Variants in IMMT observed in about 807,000 individuals in gnomAD.
IMMT encodes inner membrane mitochondrial protein.
In IMMT, 40 loss-of-function variants were observed where a neutral mutation model predicts 92.7. The observed-to-expected ratio is 0.43, with a 90% CI of 0.34 to 0.56. The LOEUF is 0.56. IMMT is among the 20% of genes least tolerant of loss of function. The pLI, the probability that IMMT is intolerant of heterozygous loss-of-function variation, is 0.03. For synonymous variants in IMMT, 322 were observed against 336.1 expected (o/e 0.96, Z 0.46); for missense variants, 831 against 912.1 (o/e 0.91, Z 1.14).
chr2:86,148,009 A>G (rs1238161940), intron 12 of IMMT, among the ~76,000 whole-genome samples, 176 bp from the exon 13 acceptor site: 1 of 152,222 alleles, frequency 6.6e-6, no homozygotes, highest in Non-Finnish European at 1.5e-5. Flanking sequence ...AAACCCTGGA[A>G]GGTGATTCAA....
chr2:86,145,626 T>A (rs1674941807), intron 14 of IMMT, among the ~76,000 whole-genome samples: 1 of 151,720 alleles, frequency 6.6e-6, no homozygotes, highest in African/African-American at 2.4e-5. Context: ...CATAACATCC[T>A]AAAAAAACCC....
chr2:86,170,876 A>G, intron 5 of IMMT, 32 bp from the exon 6 acceptor site: 2 of 1,486,474 alleles, frequency 1.3e-6, no homozygotes, highest in Non-Finnish European at 1.8e-6. Context: ...AGGAAATCAA[A>G]TTTCAGCATA....
intron 10 of IMMT, among the ~76,000 whole-genome samples, chr2:86,155,576 C>T (rs1393665060): frequency 1.3e-5 from 2 of 152,180 alleles, no homozygotes; most frequent in Non-Finnish European, 2.9e-5. Flanking sequence ...TGCTCAATAC[C>T]ACTAGCTATT....
chr2:86,182,556 A>G (rs1672501842), intron 1 of IMMT, among the ~76,000 whole-genome samples: 2 of 152,250 alleles, frequency 1.3e-5, no homozygotes, highest in South Asian at 2.1e-4. Context: ...AATTATTGAC[A>G]TGGTGGCTCA....
chr2:86,161,815 G>A (rs1184362474), intron 8 of IMMT, 161 bp downstream of exon 8: 18 of 575,228 alleles, frequency 3.1e-5, no homozygotes, highest in South Asian at 1.8e-5. Flanking sequence ...TGCCCGGCCT[G>A]TACAAATTCC....
intron 10 of IMMT, among the ~76,000 whole-genome samples, chr2:86,155,288 A>G (rs549406251): frequency 6.6e-6 from 1 of 152,324 alleles, no homozygotes; most frequent in African/African-American, 2.4e-5. Flanking sequence ...TCATAAAAAT[A>G]AAATTTCCTC....
intron 1 of IMMT, among the ~76,000 whole-genome samples, chr2:86,183,827 A>C (rs1672584253): frequency 6.6e-6 from 1 of 152,220 alleles, no homozygotes; most frequent in African/African-American, 2.4e-5. Flanking sequence ...ACTGTATATC[A>C]GTACGTGAAA....
intron 12 of IMMT, 142 bp from the exon 13 acceptor site, chr2:86,147,975 A>G (rs1180215607): frequency 5.7e-6 from 4 of 705,838 alleles, no homozygotes; most frequent in Admixed American, 3.0e-5. Context: ...GTACACTTCT[A>G]CTTCTCATGT....
chr2:86,194,117 C>A (rs540351791), intron 1 of IMMT, among the ~76,000 whole-genome samples: 2 of 152,296 alleles, frequency 1.3e-5, no homozygotes, highest in East Asian at 3.9e-4. Flanking sequence ...CAAGAGGCAG[C>A]AAGAAAAGAA....
At chr2:86,195,287 G>T in intron 1 of IMMT, 51 bp downstream of exon 1, 1 of 1,464,462 alleles carries the variant, frequency 6.8e-7, no homozygotes, top group South Asian at 1.3e-5. Context: ...GTTTTTCGCT[G>T]ACGGTTCTAG....
intron 1 of IMMT, among the ~76,000 whole-genome samples, chr2:86,185,325 G>C (rs181100973): frequency 5.9e-5 from 9 of 152,246 alleles, no homozygotes; most frequent in Admixed American, 5.2e-4. Context: ...ATATAAAAGA[G>C]TCAGGATTTG....
intron 12 of IMMT, among the ~76,000 whole-genome samples, chr2:86,151,020 G>T (rs535480024): frequency 6.6e-6 from 1 of 151,820 alleles, no homozygotes; most frequent in Admixed American, 6.6e-5. Context: ...TGGTTCAAGT[G>T]GTTCTCCTGC....
chr2:86,177,685 C>T (rs1677528585), intron 3 of IMMT, among the ~76,000 whole-genome samples: 1 of 152,150 alleles, frequency 6.6e-6, no homozygotes, highest in Non-Finnish European at 1.5e-5. Context: ...ACAAGATATC[C>T]TGTCAACTAA....
chr2:86,176,498 G>C (rs1340231755), intron 3 of IMMT, among the ~76,000 whole-genome samples: 1 of 152,170 alleles, frequency 6.6e-6, no homozygotes, highest in Non-Finnish European at 1.5e-5. Context: ...GGTCAGAATA[G>C]GGGTACGGAT....
At chr2:86,150,140 GAATA>G (rs1258931870) in intron 12 of IMMT, among the ~76,000 whole-genome samples, 3 of 152,140 alleles carry the variant, frequency 2.0e-5, no homozygotes, top group African/African-American at 4.8e-5. Context: ...AGGTTGGAGA[GAATA>G]AATAAATCTG....
chr2:86,171,342 G>T lies in IMMT; in HGVS notation c.425C>A (p.Pro142His). ...AGAAATAATTTGAGCCGCTTCTGTA[G>T]GTGCTATAAATATATGTTACTCATG... ...KGDTPASATA[P>H]TEAAQIISAA... is the part of the protein sequence containing the mutation. The change falls in exon 5 of 15, where the codon CCT becomes CAT. Residue 142 changes from proline to histidine, a missense_variant. Pro to His is a moderately conservative substitution (Grantham distance 77). Transcript: ENST00000410111. 6.2e-7 allele frequency: 1 copy of T among 1,610,378 alleles called. No individual in the cohort carries two copies. Among genetic ancestry groups the T allele is most frequent in the Non-Finnish European group, 8.5e-7 (1 of 1,178,062 alleles).
chr2:86,185,447 A>C (rs539694246), intron 1 of IMMT, among the ~76,000 whole-genome samples: 1 of 152,322 alleles, frequency 6.6e-6, no homozygotes, highest in Non-Finnish European at 1.5e-5. Context: ...TTGAGATCTC[A>C]AAAAGATCTA....
intron 6 of IMMT, among the ~76,000 whole-genome samples, chr2:86,169,962 G>A (rs561717771): frequency 6.6e-6 from 1 of 152,324 alleles, no homozygotes; most frequent in South Asian, 2.1e-4. Context: ...AACCAGCGAT[G>A]TGTAGAACAT....
intron 11 of IMMT, among the ~76,000 whole-genome samples, chr2:86,152,466 T>C (rs779510899): frequency 1.7e-5 from 2 of 120,558 alleles, no homozygotes; most frequent in Non-Finnish European, 1.8e-5. Flanking sequence ...AAAGAGAGAA[T>C]TATGGCTCCA....
Sources: gnomAD v4.1 joint callset for allele counts (sites outside exome capture counted in the v4.1 genomes callset) on GRCh38, gnomAD v4.1.1 for gene constraint, MANE v1.5 for transcripts, NCBI Gene and HGNC (gene_info 2026-07-23, HGNC 2026-07-21) for gene names.